The following NKAIN3 variants were observed in gnomAD, a reference collection of about 807,000 sequenced individuals.
NKAIN3 encodes sodium/potassium-transporting ATPase subunit beta-1-interacting protein 3.
A neutral mutation model predicts 30.2 loss-of-function variants in NKAIN3; 25 were observed. The ratio of observed to expected loss-of-function variants is 0.83; its 90% CI spans 0.60 to 1.16. The LOEUF is 1.16. NKAIN3 is among the 50% of genes most tolerant of loss of function. The pLI is 0.00. For missense variants in NKAIN3, 225 were observed against 254.1 expected (o/e 0.89, Z 0.78); for synonymous variants, 91 against 89.6 (o/e 1.02, Z -0.09).
intron 1 of NKAIN3, among the ~76,000 whole-genome samples, chr8:62,334,333 C>T (rs922550624): frequency 1.3e-5 from 2 of 152,072 alleles, no homozygotes; most frequent in Non-Finnish European, 2.9e-5. Context: ...TGGTGGTTGT[C>T]AGTAATCCTT....
chr8:62,822,072 G>A (rs1244589662), intron 4 of NKAIN3, among the ~76,000 whole-genome samples: 6 of 152,064 alleles, frequency 3.9e-5, no homozygotes, highest in African/African-American at 1.2e-4. Context: ...CTCATTACTG[G>A]TTTACAACCC....
At chr8:62,957,211 G>T (rs1454552581) in intron 6 of NKAIN3, among the ~76,000 whole-genome samples, 2 of 151,820 alleles carry the variant, frequency 1.3e-5, no homozygotes, top group Non-Finnish European at 2.9e-5. Flanking sequence ...TCGGCTCACT[G>T]CAAGCTCCGC....
rs181553395 is a variant in NKAIN3, at chr8:62,628,020, C to A, written c.273+38226C>A. On this transcript the variant is annotated intron_variant, in intron 3 of 6. Coordinates refer to ENST00000623646, the MANE Select transcript of NKAIN3 (RefSeq NM_001304533.3). ...TGGAGTCCATTATCATCACAGCCAC[C>A]CAGATCTGTCAAGGTATCTTGCCAT... is the stretch of plus-strand genomic sequence containing the variant. Among the ~76,000 whole-genome samples, 651 of 152,194 alleles carry A rather than the reference C, an allele frequency of 4.3e-3. 4 individuals carry two copies. Among genetic ancestry groups the A allele is most frequent in the Non-Finnish European group, 7.1e-3 (481 of 67,984 alleles).
intron 1 of NKAIN3, among the ~76,000 whole-genome samples, chr8:62,293,510 C>G (rs1813721668): frequency 6.6e-6 from 1 of 152,120 alleles, no homozygotes; most frequent in Non-Finnish European, 1.5e-5. Flanking sequence ...CATTCCAGAC[C>G]CTGTTTGCCT....
rs566720646 is a variant in NKAIN3, at chr8:62,911,507, G to A, written c.472-6946G>A. Among the ~76,000 whole-genome samples the A allele has an allele frequency of 1.4e-4, 21 of 152,190 alleles. No homozygotes were observed. In the East Asian group the frequency reaches 3.9e-3, roughly 28 times the overall value. ...ACTCCTCGTTCGGAAATTTTCCATT[G>A]CAGCCTGATTCCTCCATTCTGTTAC... On this transcript the variant is annotated intron_variant, in intron 4 of 6. Transcript: ENST00000623646.
At chr8:62,418,017 C>T (rs1264882062) in intron 1 of NKAIN3, among the ~76,000 whole-genome samples, 1 of 152,128 alleles carries the variant, frequency 6.6e-6, no homozygotes, top group Non-Finnish European at 1.5e-5. Flanking sequence ...TTTGGTATCT[C>T]CTTAAATTTT....
At chr8:62,744,757 T>C (rs1345812665) in intron 3 of NKAIN3, among the ~76,000 whole-genome samples, 1 of 152,178 alleles carries the variant, frequency 6.6e-6, no homozygotes, top group Non-Finnish European at 1.5e-5. Flanking sequence ...TATTTCTCTA[T>C]AATATTTTCC....
chr8:62,486,785 A>G (rs1806918016), intron 1 of NKAIN3, among the ~76,000 whole-genome samples: 1 of 152,224 alleles, frequency 6.6e-6, no homozygotes, highest in Non-Finnish European at 1.5e-5. Flanking sequence ...GTAAATGGCA[A>G]CTGGCAACAA....
At position 62,444,546 on chromosome 8, in the gene NKAIN3, G is replaced by T. The variant is rs189239724; in HGVS notation, c.55-134993G>T. 3.6e-3 allele frequency among the ~76,000 whole-genome samples: 548 copies of T among 152,146 alleles called. 4 individuals are homozygous for T. Among genetic ancestry groups the T allele is most frequent in the African/African-American group, 0.013 (534 of 41,508 alleles). On this transcript the variant is annotated intron_variant, in intron 1 of 6. Coordinates refer to ENST00000623646, the MANE Select transcript of NKAIN3 (RefSeq NM_001304533.3). ...CTATCCATGTTGCTAAAAATGATAG[G>T]ATTTCATTATTTTGTATGTCTTAGT...
intron 4 of NKAIN3, chr8:62,862,969 A>C: frequency 8.5e-6 from 4 of 469,018 alleles, no homozygotes; most frequent in Non-Finnish European, 1.6e-5. Flanking sequence ...GTGTATGCAT[A>C]TATGTGTGTG....
intron 3 of NKAIN3, among the ~76,000 whole-genome samples, chr8:62,674,436 C>G (rs991996782): frequency 3.3e-5 from 5 of 152,160 alleles, no homozygotes; most frequent in Non-Finnish European, 5.9e-5. Context: ...GTGTCAGACT[C>G]CCTCTACTAA....
rs1364167132 is a variant in NKAIN3 at position 62,811,875 on chromosome 8, T to C, written c.471+64746T>C. Among the ~76,000 whole-genome samples, 4 of 152,050 alleles carry C rather than the reference T, an allele frequency of 2.6e-5. No individual in the cohort carries two copies. The South Asian group carries it at 8.3e-4, about 31-fold the overall frequency. ...CTTTCCCAAAGCATTTTTCCTTCCA[T>C]GGATCATGCATTGCATGTCAAGTCT... On this transcript the variant is annotated intron_variant, in intron 4 of 6. Transcript: ENST00000623646.
intron 3 of NKAIN3, among the ~76,000 whole-genome samples, chr8:62,726,495 T>C (rs796585193): frequency 1.8e-4 from 28 of 152,176 alleles, no homozygotes; most frequent in African/African-American, 6.0e-4. Flanking sequence ...TAGAGGATTC[T>C]TATCATGGAA....
chr8:62,466,358 C>T (rs929023008), intron 1 of NKAIN3, among the ~76,000 whole-genome samples: 11 of 152,120 alleles, frequency 7.2e-5, no homozygotes, highest in Admixed American at 1.3e-4. Context: ...ATTTACGTTT[C>T]CTTAATTTCA....
intron 3 of NKAIN3, among the ~76,000 whole-genome samples, chr8:62,665,218 C>A (rs1003996904): frequency 4.9e-4 from 74 of 152,288 alleles, no homozygotes; most frequent in African/African-American, 1.8e-3. Flanking sequence ...ATCTCCTAAG[C>A]AGACTATTTA....
chr8:62,266,580 C>A (rs1363918733), intron 1 of NKAIN3, among the ~76,000 whole-genome samples: 1 of 152,132 alleles, frequency 6.6e-6, no homozygotes, highest in Non-Finnish European at 1.5e-5. Context: ...ACATATGTCT[C>A]ATGTAATAGT....
At chr8:62,861,674 C>T (rs1247479638) in intron 4 of NKAIN3, among the ~76,000 whole-genome samples, 4 of 152,194 alleles carry the variant, frequency 2.6e-5, no homozygotes, top group Non-Finnish European at 5.9e-5. Context: ...GATCTTCTGC[C>T]AGGTACATGT....
intron 4 of NKAIN3, among the ~76,000 whole-genome samples, chr8:62,805,967 A>G (rs934872677): frequency 2.0e-5 from 3 of 152,236 alleles, no homozygotes; most frequent in African/African-American, 7.2e-5. Context: ...GAAAAAACAA[A>G]CAACCCCATC....
At chr8:62,587,958 A>T (rs939505106) in intron 2 of NKAIN3, among the ~76,000 whole-genome samples, 1 of 151,978 alleles carries the variant, frequency 6.6e-6, no homozygotes, top group Non-Finnish European at 1.5e-5. Context: ...CTATGAATTG[A>T]TTCACTAAAA....
Sources: gnomAD v4.1 joint callset for allele counts (sites outside exome capture counted in the v4.1 genomes callset) on GRCh38, gnomAD v4.1.1 for gene constraint, MANE v1.5 for transcripts, NCBI Gene and HGNC (gene_info 2026-07-23, HGNC 2026-07-21) for gene names.